The following NUBPL variants were observed in gnomAD, a reference collection of about 807,000 sequenced individuals.
NUBPL encodes iron-sulfur cluster transfer protein NUBPL.
In NUBPL, 31 loss-of-function variants were observed where a neutral mutation model predicts 45.7. That is an observed-to-expected ratio of 0.68 (90% CI 0.51 to 0.92). The LOEUF is 0.92. Among genes scored for constraint, NUBPL ranks in the 40% least tolerant of loss-of-function variants. NUBPL has a pLI of 0.00. For missense variants in NUBPL, 401 were observed against 398.7 expected (o/e 1.01, Z -0.05); for synonymous variants, 144 against 140.9 (o/e 1.02, Z -0.15).
intron 4 of NUBPL, 137 bp from the exon 5 acceptor site, chr14:31,673,218 A>G: frequency 1.5e-6 from 1 of 677,100 alleles, no homozygotes; most frequent in African/African-American, 1.8e-5. Flanking sequence ...GTATCATAAC[A>G]TTACGTTGTA....
At chr14:31,815,708 C>G (rs1292806657) in intron 7 of NUBPL, among the ~76,000 whole-genome samples, 1 of 148,406 alleles carries the variant, frequency 6.7e-6, no homozygotes, top group Admixed American at 6.9e-5. Flanking sequence ...GAGATACATT[C>G]CATCAATACT....
Position 31,826,007 on chromosome 14 carries a change from A to T in NUBPL, c.608-622A>T, listed in dbSNP as rs534534660. 3.3e-5 allele frequency among the ~76,000 whole-genome samples: 5 copies of T among 151,502 alleles called. No individual in the cohort carries two copies. In the East Asian group the frequency reaches 9.8e-4, roughly 30 times the overall value. ...CTGGCTATTGGACTATTAATTTGAA[A>T]GTAAAGCCTAGCTTGTGCATCTGTA... On this transcript the variant is annotated intron_variant, in intron 7 of 10. Coordinates refer to ENST00000281081, the MANE Select transcript of NUBPL (RefSeq NM_025152.3).
intron 3 of NUBPL, among the ~76,000 whole-genome samples, chr14:31,590,572 A>G (rs1211712200): frequency 6.6e-6 from 1 of 152,066 alleles, no homozygotes. Context: ...AATTATAAAT[A>G]CTCTTCCCTT....
At chr14:31,680,738 T>G (rs2036813143) in intron 6 of NUBPL, among the ~76,000 whole-genome samples, 1 of 152,130 alleles carries the variant, frequency 6.6e-6, no homozygotes, top group Non-Finnish European at 1.5e-5. Context: ...AAATAATTGC[T>G]GTATTACTTA....
At chr14:31,591,824 C>T (rs1037407805) in intron 3 of NUBPL, among the ~76,000 whole-genome samples, 5 of 152,082 alleles carry the variant, frequency 3.3e-5, no homozygotes, top group Non-Finnish European at 5.9e-5. Context: ...TGAAATTCTA[C>T]AGAATAACAG....
chr14:31,630,655 T>C (rs1446214699), intron 4 of NUBPL, among the ~76,000 whole-genome samples: 1 of 152,206 alleles, frequency 6.6e-6, no homozygotes, highest in Non-Finnish European at 1.5e-5. Flanking sequence ...TTTGGTTATT[T>C]TGAGGCTTTT....
chr14:31,601,861 C>T (rs2034442994), intron 4 of NUBPL, among the ~76,000 whole-genome samples: 1 of 152,230 alleles, frequency 6.6e-6, no homozygotes, highest in Admixed American at 6.5e-5. Context: ...ACTAGAAATA[C>T]CATTTGACCC....
intron 4 of NUBPL, among the ~76,000 whole-genome samples, chr14:31,638,497 C>T (rs912318594): frequency 4.0e-5 from 6 of 151,768 alleles, no homozygotes; most frequent in African/African-American, 1.5e-4. Context: ...GGTAACCCGA[C>T]CTTTCTCTCT....
chr14:31,779,766 G>A (rs1004607308), intron 6 of NUBPL, among the ~76,000 whole-genome samples: 5 of 152,192 alleles, frequency 3.3e-5, no homozygotes, highest in Non-Finnish European at 7.3e-5. Context: ...AATAACAGAT[G>A]TACTTTTGCT....
chr14:31,576,410 T>G (rs1271888613), intron 3 of NUBPL, among the ~76,000 whole-genome samples: 1 of 152,116 alleles, frequency 6.6e-6, no homozygotes, highest in Non-Finnish European at 1.5e-5. Flanking sequence ...TATAGGTATG[T>G]GCCACCATGC....
At chr14:31,686,598 A>G (rs1252254924) in intron 6 of NUBPL, 1 of 152,228 alleles carries the variant, frequency 6.6e-6, no homozygotes, top group African/African-American at 2.4e-5. Context: ...AATATGTTGG[A>G]TGCCCAGTTA....
intron 10 of NUBPL, among the ~76,000 whole-genome samples, chr14:31,853,075 GTGTTGTGTTT>G (rs1338886419): frequency 1.0e-4 from 6 of 59,696 alleles, no homozygotes; most frequent in Admixed American, 4.2e-4. Context: ...CTGTTGTGTT[GTGTTGTGTTT>G]TGTTTTGTTT....
chr14:31,804,484 C>T (rs1322250798), intron 7 of NUBPL, among the ~76,000 whole-genome samples: 1 of 152,072 alleles, frequency 6.6e-6, no homozygotes, highest in African/African-American at 2.4e-5. Context: ...GTTTGAATTC[C>T]CTGAATACCT....
intron 6 of NUBPL, among the ~76,000 whole-genome samples, chr14:31,723,933 G>T (rs548140366): frequency 7.9e-5 from 12 of 152,086 alleles, no homozygotes; most frequent in Non-Finnish European, 1.5e-4. Flanking sequence ...GATGCCCTTT[G>T]TTTCTTTCTC....
chr14:31,801,359 G>A (rs1262037952), intron 7 of NUBPL, among the ~76,000 whole-genome samples: 1 of 152,158 alleles, frequency 6.6e-6, no homozygotes, highest in Non-Finnish European at 1.5e-5. Context: ...GAGGGGCACA[G>A]AGGGAGACTA....
intron 4 of NUBPL, among the ~76,000 whole-genome samples, chr14:31,672,284 T>TGTGG (rs1308130126): frequency 6.6e-6 from 1 of 151,434 alleles, no homozygotes; most frequent in Non-Finnish European, 1.5e-5. Context: ...TGTGTGTGTG[T>TGTGG]GTGTGTGTGT....
rs752778657 is a variant in NUBPL at position 31,562,246 on chromosome 14, T to A, written c.256+31T>A. The A allele has an allele frequency of 3.8e-6, 6 of 1,586,234 alleles. No homozygotes were observed. The East Asian group carries it at 1.3e-4, about 36-fold the overall frequency. Reference sequence around the variant, plus strand: ...ATAGGATATTAATTCTATTCCTGATTAAGAACTTATGCCAACAGACAAGTG... The same window carrying A: ...ATAGGATATTAATTCTATTCCTGATAAAGAACTTATGCCAACAGACAAGTG... On this transcript the variant is annotated intron_variant, in intron 2 of 10. Transcript: ENST00000281081.
intron 4 of NUBPL, among the ~76,000 whole-genome samples, chr14:31,632,829 A>G (rs1484938943): frequency 6.6e-6 from 1 of 152,244 alleles, no homozygotes; most frequent in Non-Finnish European, 1.5e-5. Context: ...CTGTATTTTA[A>G]GAAAAGTATC....
intron 4 of NUBPL, among the ~76,000 whole-genome samples, chr14:31,599,924 CT>C (rs34188934): frequency 1.8e-3 from 250 of 135,234 alleles, no homozygotes; most frequent in African/African-American, 2.1e-3. Context: ...AGTTTTTTTT[CT>C]TTTTTTTTTT....
Sources: allele counts gnomAD v4.1 joint callset (sites outside exome capture counted in the v4.1 genomes callset), GRCh38; gene constraint gnomAD v4.1.1; transcripts MANE v1.5; gene names NCBI Gene and HGNC (gene_info 2026-07-23, HGNC 2026-07-21).